Variants in GALNT1 observed in about 807,000 individuals in gnomAD.
GALNT1 encodes polypeptide N-acetylgalactosaminyltransferase 1, also known as GalNAc transferase 1.
GALNT1 carries 17 observed loss-of-function variants against 65.7 expected under a neutral mutation model. That is an observed-to-expected ratio of 0.26 (90% CI 0.18 to 0.39). GALNT1 has a LOEUF of 0.39. Among genes scored for constraint, GALNT1 ranks in the 10% least tolerant of loss-of-function variants. The pLI is 1.00. For synonymous variants in GALNT1, 210 were observed against 219.7 expected (o/e 0.96, Z 0.39); for missense variants, 460 against 672.8 (o/e 0.68, Z 3.50).
intron 3 of GALNT1, among the ~76,000 whole-genome samples, chr18:35,673,086 C>T (rs2047658825): frequency 6.6e-6 from 1 of 152,086 alleles, no homozygotes; most frequent in Non-Finnish European, 1.5e-5. Context: ...TGAGAGTGTA[C>T]AGAGGAGAAA....
At chr18:35,601,858 G>C (rs1431811147) in intron 1 of GALNT1, among the ~76,000 whole-genome samples, 1 of 152,186 alleles carries the variant, frequency 6.6e-6, no homozygotes. Flanking sequence ...TGTAGTTTCT[G>C]TTTTTGATAG....
rs144937962 is a variant in GALNT1 at position 35,634,546 on chromosome 18, G to A, written c.-103-20014G>A. 4.3e-4 allele frequency among the ~76,000 whole-genome samples: 65 copies of A among 152,270 alleles called. 1 individual carries two copies. In the East Asian group the frequency reaches 9.1e-3, roughly 21 times the overall value. On this transcript the variant is annotated intron_variant, in intron 1 of 11. Coordinates refer to ENST00000269195, the MANE Select transcript of GALNT1 (RefSeq NM_020474.4). ...CTTCCAAGAGTCCTCTCCCTATGGAGTCACACAGGATGTACATAATTCTTC... is the reference window on the plus strand; with the variant it reads ...CTTCCAAGAGTCCTCTCCCTATGGAATCACACAGGATGTACATAATTCTTC...
intron 9 of GALNT1, 164 bp from the exon 10 acceptor site, chr18:35,702,733 C>A: frequency 2.4e-6 from 1 of 423,712 alleles, no homozygotes. Context: ...TAAGACCTTT[C>A]TAGACCAATG....
intron 3 of GALNT1, among the ~76,000 whole-genome samples, chr18:35,673,395 G>GTT (rs2047662546): frequency 6.6e-6 from 1 of 152,172 alleles, no homozygotes; most frequent in Admixed American, 6.5e-5. Flanking sequence ...TTAACTTGTA[G>GTT]TTCTGTTACT....
intron 1 of GALNT1, among the ~76,000 whole-genome samples, chr18:35,582,447 A>C (rs1050968139): frequency 3.3e-5 from 5 of 152,212 alleles, no homozygotes; most frequent in Non-Finnish European, 7.3e-5. Context: ...ATTTACCAGG[A>C]ATTGGGATGA....
chr18:35,601,577 T>G (rs370799152), intron 1 of GALNT1, among the ~76,000 whole-genome samples: 1 of 152,200 alleles, frequency 6.6e-6, no homozygotes, highest in South Asian at 2.1e-4. Flanking sequence ...TTTATTTCTA[T>G]AAATATCCCA....
intron 1 of GALNT1, 105 bp downstream of exon 1, chr18:35,581,967 T>A (rs1396137385): frequency 1.3e-5 from 2 of 151,730 alleles, no homozygotes; most frequent in Non-Finnish European, 3.0e-5. Flanking sequence ...GGTCCCTTTG[T>A]GGCCGGCGCT....
intron 1 of GALNT1, among the ~76,000 whole-genome samples, chr18:35,599,366 CTTT>C (rs60191738): frequency 6.5e-5 from 8 of 122,736 alleles, no homozygotes; most frequent in Non-Finnish European, 8.2e-5. Flanking sequence ...GAGATTTACA[CTTT>C]TTTTTTTTTT....
chr18:35,582,217 C>T (rs1180265276), intron 1 of GALNT1, among the ~76,000 whole-genome samples: 5 of 152,130 alleles, frequency 3.3e-5, no homozygotes, highest in Admixed American at 3.3e-4. Flanking sequence ...GCCAGCCTGA[C>T]CCTCGCGGCG....
chr18:35,694,522 TCTCAAAAAATG>T (rs1354557180), intron 9 of GALNT1, among the ~76,000 whole-genome samples: 1 of 152,214 alleles, frequency 6.6e-6, no homozygotes, highest in Non-Finnish European at 1.5e-5. Context: ...TATGGAGGTT[TCTCAAAAAATG>T]CTCAAAAAAG....
intron 9 of GALNT1, among the ~76,000 whole-genome samples, chr18:35,698,399 G>C (rs989208572): frequency 6.6e-6 from 1 of 152,130 alleles, no homozygotes; most frequent in African/African-American, 2.4e-5. Context: ...AACCTTGGGG[G>C]TAGAGGTTGC....
intron 1 of GALNT1, among the ~76,000 whole-genome samples, chr18:35,611,772 G>A (rs193164862): frequency 7.2e-5 from 11 of 152,282 alleles, no homozygotes; most frequent in East Asian, 3.9e-4. Flanking sequence ...ATGGTAATAC[G>A]TTGTTGTGGT....
intron 1 of GALNT1, among the ~76,000 whole-genome samples, chr18:35,606,412 A>G (rs1346287205): frequency 6.6e-6 from 1 of 152,240 alleles, no homozygotes; most frequent in East Asian, 1.9e-4. Context: ...AACTTGATGT[A>G]TGACAGCTAA....
intron 1 of GALNT1, among the ~76,000 whole-genome samples, chr18:35,605,051 G>C (rs2046629266): frequency 6.6e-6 from 1 of 152,046 alleles, no homozygotes; most frequent in Non-Finnish European, 1.5e-5. Context: ...CAAAATATCT[G>C]GTTAAATTTA....
chr18:35,682,928 AAG>A (rs1491559339), intron 4 of GALNT1, among the ~76,000 whole-genome samples: 12 of 149,496 alleles, frequency 8.0e-5, no homozygotes, highest in Admixed American at 2.7e-4. Flanking sequence ...AAAAAAAAAA[AAG>A]TATAGTCAAA....
intron 1 of GALNT1, among the ~76,000 whole-genome samples, chr18:35,591,568 G>T (rs371270387): frequency 6.6e-6 from 1 of 152,180 alleles, no homozygotes. Flanking sequence ...ACAGATTATG[G>T]TCTTAACTGT....
intron 3 of GALNT1, among the ~76,000 whole-genome samples, chr18:35,672,395 C>T (rs2047649743): frequency 6.6e-6 from 1 of 152,214 alleles, no homozygotes; most frequent in South Asian, 2.1e-4. Context: ...TCTTCAGCCT[C>T]AGCTATGCTG....
At chr18:35,612,260 G>A (rs1402954607) in intron 1 of GALNT1, among the ~76,000 whole-genome samples, 1 of 152,100 alleles carries the variant, frequency 6.6e-6, no homozygotes, top group Non-Finnish European at 1.5e-5. Context: ...GTTTTAATGA[G>A]TTAAAAATAG....
chr18:35,677,779 CAAT>C (rs1568030579), intron 4 of GALNT1, 22 bp downstream of exon 4: 1 of 1,548,806 alleles, frequency 6.5e-7, no homozygotes, highest in Non-Finnish European at 8.8e-7. Context: ...ATTTTAATGC[CAAT>C]AATTTGCTAC....
Sources: allele counts gnomAD v4.1 joint callset (sites outside exome capture counted in the v4.1 genomes callset), GRCh38; gene constraint gnomAD v4.1.1; transcripts MANE v1.5; gene names NCBI Gene and HGNC (gene_info 2026-07-23, HGNC 2026-07-21).